PLB1: variants seen among roughly 807,000 people sequenced by gnomAD.
PLB1 encodes the protein phospholipase B1.
A neutral mutation model predicts 227.4 loss-of-function variants in PLB1; 242 were observed. The observed-to-expected ratio is 1.06, with a 90% CI of 0.96 to 1.18. PLB1 has a LOEUF of 1.18. Ranked by LOEUF, PLB1 falls within the 50% of genes most tolerant of loss-of-function variation. The probability of loss-of-function intolerance (pLI) is 0.00; values close to 1 mark genes in which losing one functional copy is unlikely to be tolerated. For missense variants in PLB1, 1,858 were observed against 1,816.3 expected, an observed-to-expected ratio of 1.02 and a Z score of -0.42; for synonymous variants, 757 against 682.2, an observed-to-expected ratio of 1.11 and a Z score of -1.71.
rs1690188844 is a variant in PLB1 at position 28,643,536 on chromosome 2, C to CTGT, written c.*477_*479dup. 1 of 155,986 alleles carries CTGT rather than the reference C, an allele frequency of 6.4e-6. No homozygotes were observed. The highest frequency in any genetic ancestry group is 2.4e-5 in the African/African-American group (1 of 41,578). The allele number at this position is 155,986 out of a possible 1,614,324, so 9.7% of individuals were successfully genotyped here. A position where few individuals can be genotyped will look rare whatever the true frequency, so the allele number is the denominator to read the frequency against. On this transcript the variant is annotated 3_prime_UTR_variant, in exon 58 of 58. Coordinates refer to ENST00000327757, the MANE Select transcript of PLB1 (RefSeq NM_153021.5). ...AATCCAACACATACCTATTAAGCAA[C>CTGT]TGTTTTGTATCCAGGACAATGCGAA...
chr2:28,574,730 A>G (rs1317716479), intron 21 of PLB1, among the ~76,000 whole-genome samples: 1 of 151,842 alleles, frequency 6.6e-6, no homozygotes, highest in South Asian at 2.1e-4. Context: ...GCGTCCTCAT[A>G]GCTTTGCTCT....
chr2:28,559,395 A>G (rs961793977), intron 17 of PLB1, among the ~76,000 whole-genome samples: 2 of 152,138 alleles, frequency 1.3e-5, no homozygotes, highest in Non-Finnish European at 1.5e-5. Flanking sequence ...GCTGCTCTAT[A>G]TGTTTTGCAC....
chr2:28,626,640 G>C (rs536907741), intron 51 of PLB1, 132 bp downstream of exon 51: 3 of 791,210 alleles, frequency 3.8e-6, no homozygotes, highest in Admixed American at 4.4e-5. Flanking sequence ...GCTGCCCCAG[G>C]CCCTCCCTGG....
chr2:28,605,910 T>G lies in PLB1; in HGVS notation c.3019T>G (p.Phe1007Val). ...AGACTGCATCCACCCAAATCAGAAATTCCACTCCCAGCTGGCCAGAGCCCT... is the reference window on the plus strand; with the variant it reads ...AGACTGCATCCACCCAAATCAGAAAGTCCACTCCCAGCTGGCCAGAGCCCT... Reference protein sequence around the residue: ...APDCIHPNQKFHSQLARALWT... With the variant: ...APDCIHPNQKVHSQLARALWT... Residue 1007 changes from phenylalanine to valine, a missense_variant, in exon 42 of 58, where the codon TTC (phenylalanine) becomes GTC (valine). By Grantham distance (50) the Phe-to-Val change is conservative. Transcript: ENST00000327757. 1 of 1,613,764 alleles carries G rather than the reference T, an allele frequency of 6.2e-7. No individual in the cohort carries two copies.
chr2:28,565,262 C>G lies in PLB1; in HGVS notation c.1207-18C>G. The G allele has an allele frequency of 6.2e-7, 1 of 1,606,282 alleles. No individual in the cohort carries two copies. Among genetic ancestry groups the G allele is most frequent in the Non-Finnish European group, 8.5e-7 (1 of 1,176,122 alleles). On this transcript the variant is annotated intron_variant, in intron 18 of 57. Coordinates refer to ENST00000327757, the MANE Select transcript of PLB1 (RefSeq NM_153021.5). ...TGGGGAAAGCAGAGAAACTCACCCCCTCATTGTTCCCTCTCAGGCAGGCAA... is the reference window on the plus strand; with the variant it reads ...TGGGGAAAGCAGAGAAACTCACCCCGTCATTGTTCCCTCTCAGGCAGGCAA...
intron 43 of PLB1, among the ~76,000 whole-genome samples, chr2:28,610,273 C>T (rs1289742269): frequency 6.6e-6 from 1 of 151,994 alleles, no homozygotes; most frequent in Non-Finnish European, 1.5e-5. Flanking sequence ...AATGTTCACA[C>T]TTTCTTACCA....
intron 2 of PLB1, 100 bp from the exon 3 acceptor site, chr2:28,518,365 AG>A: frequency 6.8e-6 from 6 of 882,796 alleles, no homozygotes; most frequent in Non-Finnish European, 1.1e-5. Flanking sequence ...TTTTGAGCCT[AG>A]ATAGAATGAG....
chr2:28,605,590 C>CA (rs1452365064), intron 41 of PLB1, among the ~76,000 whole-genome samples: 1 of 152,080 alleles, frequency 6.6e-6, no homozygotes, highest in Non-Finnish European at 1.5e-5. Context: ...TGAATGTGCC[C>CA]AAAAATAAAT....
intron 14 of PLB1, among the ~76,000 whole-genome samples, chr2:28,545,253 GC>G (rs1673066988): frequency 2.4e-5 from 1 of 41,898 alleles, no homozygotes; most frequent in Non-Finnish European, 5.3e-5. Context: ...GTTTCCCAGT[GC>G]CAGTGCAAAC....
intron 31 of PLB1, 150 bp downstream of exon 31, chr2:28,591,910 C>T (rs2148285720): frequency 1.3e-6 from 1 of 750,124 alleles, no homozygotes. Context: ...GGATGAGTCC[C>T]TGTTTCGCAC....
At chr2:28,604,575 C>A in intron 40 of PLB1, 80 bp from the exon 41 acceptor site, 3 of 1,109,876 alleles carry the variant, frequency 2.7e-6, no homozygotes, top group Non-Finnish European at 4.0e-6. Flanking sequence ...AGATGGACTG[C>A]CCACCACCCC....
chr2:28,616,280 A>G (rs1166542649), intron 44 of PLB1, among the ~76,000 whole-genome samples: 3 of 152,232 alleles, frequency 2.0e-5, no homozygotes, highest in Non-Finnish European at 1.5e-5. Context: ...GGATAGGCTA[A>G]TTACCCTGAT....
At chr2:28,598,781 G>A (rs370104314) in intron 35 of PLB1, 21 bp downstream of exon 35, 2 of 1,589,946 alleles carry the variant, frequency 1.3e-6, no homozygotes, top group Non-Finnish European at 1.7e-6. Flanking sequence ...TGGGGAGGGA[G>A]GGAGCCTGCA....
intron 48 of PLB1, 76 bp from the exon 49 acceptor site, chr2:28,620,803 G>A (rs1686937875): frequency 1.7e-5 from 24 of 1,444,306 alleles, no homozygotes; most frequent in South Asian, 2.3e-5. Context: ...TCCCCACCCT[G>A]CATGCTCATC....
intron 24 of PLB1, 96 bp from the exon 25 acceptor site, chr2:28,582,309 C>T (rs1680167060): frequency 8.1e-6 from 10 of 1,234,598 alleles, no homozygotes; most frequent in Non-Finnish European, 8.2e-6. Flanking sequence ...ATGGAAGTCC[C>T]TAGATCTGAA....
chr2:28,548,671 TTA>T, intron 14 of PLB1, 187 bp from the exon 15 acceptor site: 1 of 653,164 alleles, frequency 1.5e-6, no homozygotes, highest in Non-Finnish European at 2.8e-6. Context: ...GGAGAGCTGC[TTA>T]CAACACAGAC....
chr2:28,543,982 A>T (rs962103158), intron 14 of PLB1, among the ~76,000 whole-genome samples: 3 of 152,204 alleles, frequency 2.0e-5, no homozygotes, highest in African/African-American at 4.8e-5. Context: ...AGAGACCTGA[A>T]TTTGCCATTT....
In PLB1 at chr2:28,532,179, C is replaced by T. The variant is rs1671103360; in HGVS notation, c.540C>T (p.Cys180=). Residue 180 remains cysteine, a synonymous_variant, in exon 9 of 58, where the codon TGC becomes TGT. Coordinates refer to ENST00000327757, the MANE Select transcript of PLB1 (RefSeq NM_153021.5). ...FFSNASQCYL[C]PSAQQNGLAA... Reference sequence around the variant, plus strand: ...GTAATGCAAGCCAGTGTTACCTGTGCCCCTCTGCTCAACAGGTAAATGGCA... The same window carrying T: ...GTAATGCAAGCCAGTGTTACCTGTGTCCCTCTGCTCAACAGGTAAATGGCA... 1 of 1,611,718 alleles carries T rather than the reference C, an allele frequency of 6.2e-7. No homozygotes were observed. Among genetic ancestry groups the T allele is most frequent in the Non-Finnish European group, 8.5e-7 (1 of 1,178,590 alleles).
In PLB1 at chr2:28,585,468, G is replaced by C. The variant is rs2148276051; in HGVS notation, c.1734-293G>C. 9.8e-6 allele frequency: 3 copies of C among 305,514 alleles called. No individual in the cohort carries two copies. In the Middle Eastern group the frequency reaches 3.4e-3, roughly 343 times the overall value. The allele number at this position is 305,514 out of a possible 1,614,324, so 18.9% of individuals were successfully genotyped here. On this transcript the variant is annotated intron_variant, in intron 25 of 57. Coordinates refer to ENST00000327757, the MANE Select transcript of PLB1 (RefSeq NM_153021.5). ...TAGTTTGTATTTTTAGTAGAGACGG[G>C]GTTTCGCTATGTCAGCCAGCCTGGT...
Sources: gnomAD v4.1 joint callset for allele counts (sites outside exome capture counted in the v4.1 genomes callset) on GRCh38, gnomAD v4.1.1 for gene constraint, MANE v1.5 for transcripts, NCBI Gene and HGNC (gene_info 2026-07-23, HGNC 2026-07-21) for gene names.